Variants in YAF2 observed in about 807,000 individuals in gnomAD.
YAF2 encodes the protein YY1-associated factor 2.
Under a neutral mutation model 20.1 loss-of-function variants are expected in YAF2, and 7 were observed. The ratio of observed to expected loss-of-function variants is 0.35; its 90% confidence interval spans 0.20 to 0.65. The LOEUF is 0.65. Ranked by LOEUF, YAF2 falls within the 30% of genes least tolerant of loss-of-function variation. The pLI is 0.69. For synonymous variants in YAF2, 74 were observed against 76.0 expected, an observed-to-expected ratio of 0.97 and a Z score of 0.14; for missense variants, 151 against 219.2, an observed-to-expected ratio of 0.69 and a Z score of 1.96.
intron 3 of YAF2, 45 bp downstream of exon 3, chr12:42,161,568 G>A: frequency 1.3e-6 from 2 of 1,521,232 alleles, no homozygotes; most frequent in Non-Finnish European, 1.8e-6. Context: ...AAAATTAAAT[G>A]GTTTTATTAT....
chr12:42,223,327 T>TACACACACACACACAC (rs548568577), intron 2 of YAF2, among the ~76,000 whole-genome samples: 29 of 131,704 alleles, frequency 2.2e-4, no homozygotes, highest in African/African-American at 8.2e-4. Flanking sequence ...TTCTTTAAAA[T>TACACACACACACACAC]ACATACACAC....
At chr12:42,226,206 A>G (rs953464657) in intron 2 of YAF2, among the ~76,000 whole-genome samples, 13 of 152,202 alleles carry the variant, frequency 8.5e-5, no homozygotes, top group Admixed American at 5.9e-4. Flanking sequence ...ATTTTAGTCA[A>G]GAAACACTTC....
intron 2 of YAF2, chr12:42,199,124 GT>G: frequency 7.9e-7 from 1 of 1,268,176 alleles, no homozygotes; most frequent in East Asian, 5.7e-5. Flanking sequence ...GTGAAAAACA[GT>G]GACAGCTTAC....
At chr12:42,205,802 C>T (rs2067024894) in intron 2 of YAF2, 1 of 281,148 alleles carries the variant, frequency 3.6e-6, no homozygotes, top group Non-Finnish European at 7.3e-6. Flanking sequence ...ATCTTTCAAT[C>T]TAATACATTC....
intron 2 of YAF2, chr12:42,210,536 G>A (rs1187350469): frequency 1.3e-6 from 2 of 1,536,012 alleles, no homozygotes; most frequent in Non-Finnish European, 1.7e-6. Context: ...ATGCTTCAGT[G>A]CACTTGCTTA....
intron 2 of YAF2, among the ~76,000 whole-genome samples, chr12:42,164,657 G>A (rs746119148): frequency 3.3e-5 from 5 of 151,602 alleles, no homozygotes; most frequent in African/African-American, 4.9e-5. Flanking sequence ...AAATTGAAGC[G>A]ATATGGTAAA....
rs780563600 is a variant in YAF2, at chr12:42,238,143, G to A, written c.26+12C>T. The A allele has an allele frequency of 1.3e-6, 2 of 1,539,496 alleles. No homozygotes were observed. Among genetic ancestry groups the A allele is most frequent in the Non-Finnish European group, 8.7e-7 (1 of 1,144,822 alleles). ...CCGCACAGTCCGGGCCCCGGGGCCC[G>A]GGCGCTGTTACCTGGTGGGGCTCTT... On this transcript the variant is annotated intron_variant, in intron 1 of 3. Transcript: ENST00000534854.
At chr12:42,226,256 G>C (rs1332695259) in intron 2 of YAF2, among the ~76,000 whole-genome samples, 1 of 152,236 alleles carries the variant, frequency 6.6e-6, no homozygotes, top group Middle Eastern at 3.4e-3. Context: ...TCAACTATCT[G>C]AAAAATGAGA....
chr12:42,173,640 C>T (rs972423178), intron 2 of YAF2, among the ~76,000 whole-genome samples: 15 of 152,144 alleles, frequency 9.9e-5, no homozygotes, highest in Admixed American at 3.3e-4. Flanking sequence ...CCCACTAATA[C>T]TACTCTAGCT....
chr12:42,190,457 C>T (rs115647963), intron 2 of YAF2, among the ~76,000 whole-genome samples: 1,603 of 152,248 alleles, frequency 0.011, 29 homozygotes, highest in African/African-American at 0.037. Flanking sequence ...TGCTAGCTAG[C>T]CTTACTTTTA....
intron 2 of YAF2, chr12:42,205,789 T>G (rs2067024443): frequency 4.1e-6 from 1 of 242,244 alleles, no homozygotes; most frequent in Non-Finnish European, 8.7e-6. Flanking sequence ...TCATTTATTT[T>G]CAATCTTTCA....
intron 2 of YAF2, among the ~76,000 whole-genome samples, chr12:42,189,653 A>G (rs2066562577): frequency 6.6e-6 from 1 of 152,234 alleles, no homozygotes; most frequent in South Asian, 2.1e-4. Flanking sequence ...TGATACATAC[A>G]TTATAGATAA....
At chr12:42,215,554 C>G (rs2137265123) in intron 2 of YAF2, among the ~76,000 whole-genome samples, 1 of 152,292 alleles carries the variant, frequency 6.6e-6, no homozygotes, top group East Asian at 1.9e-4. Flanking sequence ...CTCCTAAAAA[C>G]AGAAAATAAG....
At chr12:42,233,240 G>C in intron 2 of YAF2, 3 of 985,128 alleles carry the variant, frequency 3.0e-6, no homozygotes, top group Non-Finnish European at 3.6e-6. Flanking sequence ...AAACCTAAAG[G>C]ACTGTTATAA....
chr12:42,209,796 T>C (rs1415143130), intron 2 of YAF2, among the ~76,000 whole-genome samples: 1 of 152,122 alleles, frequency 6.6e-6, no homozygotes, highest in African/African-American at 2.4e-5. Flanking sequence ...AGCCAGTAAA[T>C]GCATAATTTT....
intron 2 of YAF2, among the ~76,000 whole-genome samples, chr12:42,179,509 T>C (rs1431648708): frequency 6.6e-6 from 1 of 152,174 alleles, no homozygotes; most frequent in African/African-American, 2.4e-5. Flanking sequence ...AACCAGTGAC[T>C]GAAACACATC....
At chr12:42,193,819 A>G (rs2066678830) in intron 2 of YAF2, among the ~76,000 whole-genome samples, 1 of 152,152 alleles carries the variant, frequency 6.6e-6, no homozygotes, top group Non-Finnish European at 1.5e-5. Context: ...TTGTTATCAC[A>G]GCAGATGACG....
intron 2 of YAF2, among the ~76,000 whole-genome samples, chr12:42,216,483 A>AT (rs907336087): frequency 4.0e-5 from 6 of 150,558 alleles, no homozygotes; most frequent in East Asian, 3.9e-4. Flanking sequence ...CTCCCTATTA[A>AT]TTTTTTTTTC....
chr12:42,237,805 C>A, intron 1 of YAF2, 81 bp from the exon 2 acceptor site: 1 of 1,057,724 alleles, frequency 9.5e-7, no homozygotes, highest in Non-Finnish European at 1.1e-6. Context: ...CGGCCGCCCC[C>A]GCCCCGCCCC....
Sources: allele counts gnomAD v4.1 joint callset (sites outside exome capture counted in the v4.1 genomes callset), GRCh38; gene constraint gnomAD v4.1.1; transcripts MANE v1.5; gene names NCBI Gene and HGNC (gene_info 2026-07-23, HGNC 2026-07-21).